Variants in SSH2 observed in about 807,000 individuals in gnomAD.
The protein encoded by SSH2 is protein phosphatase Slingshot homolog 2.
A neutral mutation model predicts 135.2 loss-of-function variants in SSH2; 37 were observed. That is an observed-to-expected ratio of 0.27 (90% confidence interval 0.21 to 0.36). The LOEUF is 0.36. Among genes scored for constraint, SSH2 ranks in the 10% least tolerant of loss-of-function variants. SSH2 has a pLI of 1.00. For synonymous variants in SSH2, 628 were observed against 646.2 expected (o/e 0.97, Z 0.43); for missense variants, 1,408 against 1,765.3 (o/e 0.80, Z 3.63).
intron 1 of SSH2, among the ~76,000 whole-genome samples, chr17:29,859,847 T>C (rs1362574731): frequency 1.3e-5 from 2 of 152,106 alleles, no homozygotes; most frequent in Non-Finnish European, 2.9e-5. Context: ...GCTCTGTTTT[T>C]TTGTTTTTGT....
At chr17:29,898,058 T>A (rs2066476993) in intron 1 of SSH2, among the ~76,000 whole-genome samples, 1 of 151,972 alleles carries the variant, frequency 6.6e-6, no homozygotes, top group South Asian at 2.1e-4. Context: ...AAGGCAGAAA[T>A]AAAGATGTTC....
chr17:29,777,906 G>T (rs527366532), intron 3 of SSH2, among the ~76,000 whole-genome samples: 119 of 151,896 alleles, frequency 7.8e-4, no homozygotes, highest in African/African-American at 2.8e-3. Context: ...CAGCAGATGG[G>T]AACAGTATCC....
intron 1 of SSH2, among the ~76,000 whole-genome samples, chr17:29,918,431 G>A (rs986859448): frequency 6.6e-6 from 1 of 152,156 alleles, no homozygotes; most frequent in African/African-American, 2.4e-5. Flanking sequence ...TGAACCCAGT[G>A]TCTACAATCA....
chr17:29,890,083 C>A (rs1006744949), intron 1 of SSH2, among the ~76,000 whole-genome samples: 1 of 152,170 alleles, frequency 6.6e-6, no homozygotes, highest in Non-Finnish European at 1.5e-5. Context: ...TCATTAGCCA[C>A]TAGGGAAATG....
intron 3 of SSH2, among the ~76,000 whole-genome samples, chr17:29,726,955 C>T (rs575051655): frequency 2.0e-5 from 3 of 152,286 alleles, no homozygotes; most frequent in East Asian, 3.9e-4. Flanking sequence ...ATCTATCTAC[C>T]GGCTGCCAGC....
intron 2 of SSH2, among the ~76,000 whole-genome samples, chr17:29,802,844 G>T (rs1330588163): frequency 6.6e-6 from 1 of 152,014 alleles, no homozygotes; most frequent in East Asian, 1.9e-4. Flanking sequence ...CAAGATAACA[G>T]TTCTATGATC....
chr17:29,753,563 G>T (rs1426291998), intron 3 of SSH2, among the ~76,000 whole-genome samples: 5 of 151,776 alleles, frequency 3.3e-5, no homozygotes, highest in Non-Finnish European at 7.4e-5. Flanking sequence ...TTGGGAGGCC[G>T]AGGCAGGTGG....
intron 3 of SSH2, among the ~76,000 whole-genome samples, chr17:29,784,898 A>G (rs2041927680): frequency 6.6e-6 from 1 of 152,122 alleles, no homozygotes; most frequent in Non-Finnish European, 1.5e-5. Flanking sequence ...GCTCTGGCCC[A>G]CATTGCTTTT....
intron 3 of SSH2, among the ~76,000 whole-genome samples, chr17:29,773,764 A>T (rs2041636944): frequency 6.6e-6 from 1 of 151,456 alleles, no homozygotes; most frequent in African/African-American, 2.4e-5. Flanking sequence ...CACAACCTCC[A>T]CCTCCTGGGT....
chr17:29,810,030 G>GCTCA (rs1177715673), intron 2 of SSH2, among the ~76,000 whole-genome samples: 2 of 152,116 alleles, frequency 1.3e-5, no homozygotes, highest in African/African-American at 4.8e-5. Context: ...TTATAAGCTT[G>GCTCA]AAGGCAGGAA....
chr17:29,883,695 T>G (rs1367325612), intron 1 of SSH2, among the ~76,000 whole-genome samples: 1 of 152,182 alleles, frequency 6.6e-6, no homozygotes, highest in Non-Finnish European at 1.5e-5. Flanking sequence ...ACAGCCTAAC[T>G]TCTCCTGTTC....
rs200928460 is a variant in SSH2 at position 29,845,977 on chromosome 17, C to CA, written c.144+2871dup. Among the ~76,000 whole-genome samples the CA allele has an allele frequency of 8.8e-3, 1,343 of 152,070 alleles. 10 individuals carry two copies. Among genetic ancestry groups the CA allele is most frequent in the Non-Finnish European group, 0.014 (974 of 68,004 alleles). On this transcript the variant is annotated intron_variant, in intron 2 of 15. Coordinates refer to ENST00000540801, the MANE Select transcript of SSH2 (RefSeq NM_001282129.2). Reference sequence around the variant, plus strand: ...TTCCCATGCACTAGTCTCTTTGAGACAAAATCAGTCGAAATAATATGCCAG... The same window carrying CA: ...TTCCCATGCACTAGTCTCTTTGAGACAAAAATCAGTCGAAATAATATGCCAG...
At chr17:29,744,550 A>G (rs921601064) in intron 3 of SSH2, among the ~76,000 whole-genome samples, 2 of 152,232 alleles carry the variant, frequency 1.3e-5, no homozygotes, top group Non-Finnish European at 2.9e-5. Context: ...AGATTCTCAT[A>G]TCCACTAGGG....
At chr17:29,868,409 C>A (rs2065888175) in intron 1 of SSH2, among the ~76,000 whole-genome samples, 1 of 152,116 alleles carries the variant, frequency 6.6e-6, no homozygotes. Context: ...CTTGGGGGAA[C>A]CCTCATGGAG....
intron 1 of SSH2, among the ~76,000 whole-genome samples, chr17:29,858,401 C>T (rs1274980354): frequency 6.6e-6 from 1 of 152,086 alleles, no homozygotes; most frequent in Admixed American, 6.5e-5. Flanking sequence ...AAATTGTGTC[C>T]CCTAAAATTC....
intron 6 of SSH2, among the ~76,000 whole-genome samples, chr17:29,680,706 A>C (rs890387672): frequency 6.6e-6 from 1 of 152,020 alleles, no homozygotes; most frequent in Non-Finnish European, 1.5e-5. Context: ...GCTCTACCAC[A>C]AGTTTTGTTG....
intron 4 of SSH2, among the ~76,000 whole-genome samples, chr17:29,700,033 G>C (rs1281449469): frequency 6.6e-6 from 1 of 152,194 alleles, no homozygotes; most frequent in African/African-American, 2.4e-5. Flanking sequence ...GCAACTAGGT[G>C]AAGGCCCAAA....
chr17:29,695,471 G>A lies in SSH2; in HGVS notation c.345C>T (p.Asp115=). The A allele has an allele frequency of 6.2e-7, 1 of 1,611,384 alleles. No homozygotes were observed. Among genetic ancestry groups the A allele is most frequent in the East Asian group, 2.2e-5 (1 of 44,684 alleles). Residue 115 remains aspartate (D), a synonymous_variant, in exon 5 of 16, where the codon GAC becomes GAT. Transcript: ENST00000540801. The stretch of plus-strand genomic sequence containing the variant: ...ACCACTAACTTACCAGCCTGATGTT[G>A]TCTTCTGGGCGGAGTAAAATGAACA... ...QAMFILLRPE[D]NIRLAVRLES... is the part of the protein sequence containing the mutation.
At chr17:29,878,516 T>C (rs956735641) in intron 1 of SSH2, among the ~76,000 whole-genome samples, 4 of 152,136 alleles carry the variant, frequency 2.6e-5, no homozygotes, top group Non-Finnish European at 5.9e-5. Flanking sequence ...GTGTGACACA[T>C]AGTTGATGCT....
Sources: gnomAD v4.1 joint callset for allele counts (sites outside exome capture counted in the v4.1 genomes callset) on GRCh38, gnomAD v4.1.1 for gene constraint, MANE v1.5 for transcripts, NCBI Gene and HGNC (gene_info 2026-07-23, HGNC 2026-07-21) for gene names.